Variants in FERMT2 observed in about 807,000 individuals in gnomAD.
The protein encoded by FERMT2 is fermitin family homolog 2.
FERMT2 carries 15 observed loss-of-function variants against 82.7 expected under a neutral mutation model. The observed-to-expected ratio is 0.18, with a 90% CI of 0.12 to 0.28. The LOEUF is 0.28. FERMT2 is among the 10% of genes least tolerant of loss of function. The pLI, the probability that FERMT2 is intolerant of heterozygous loss-of-function variation, is 1.00. For synonymous variants in FERMT2, 274 were observed against 271.5 expected (o/e 1.01, Z -0.09); for missense variants, 645 against 809.4 (o/e 0.80, Z 2.46).
chr14:52,870,121 T>C (rs1885524697), intron 10 of FERMT2, among the ~76,000 whole-genome samples: 1 of 152,308 alleles, frequency 6.6e-6, no homozygotes, highest in Admixed American at 6.5e-5. Context: ...AAGAAAATTA[T>C]TGAATAAAGT....
In FERMT2 at chr14:52,858,106, C is replaced by G; in HGVS notation, c.*271G>C. On this transcript the variant is annotated 3_prime_UTR_variant, in exon 15 of 15. Transcript: ENST00000341590. ...GTTTGGCTAGCTTAAATCAGTAAAT[C>G]AGTGATGGTTTGTTCCTGATTTGCC... 2.6e-6 allele frequency: 1 copy of G among 387,166 alleles called. No homozygotes were observed. The allele number at this position is 387,166 out of a possible 1,614,324, so 24.0% of individuals were successfully genotyped here. A position where few individuals can be genotyped will look rare whatever the true frequency, so the allele number is the denominator to read the frequency against.
chr14:52,906,646 TAGAA>T (rs1441338022), intron 3 of FERMT2, among the ~76,000 whole-genome samples: 2 of 151,330 alleles, frequency 1.3e-5, no homozygotes, highest in African/African-American at 4.9e-5. Flanking sequence ...ACACACATAA[TAGAA>T]AAATGAAAAA....
intron 9 of FERMT2, among the ~76,000 whole-genome samples, chr14:52,873,477 AG>A (rs1446905879): frequency 6.6e-6 from 1 of 152,196 alleles, no homozygotes; most frequent in Non-Finnish European, 1.5e-5. Flanking sequence ...GTGTAAGGAA[AG>A]GTGCAGGTAG....
At chr14:52,900,495 C>CA (rs75192018) in intron 3 of FERMT2, among the ~76,000 whole-genome samples, 13,537 of 151,988 alleles carry the variant, frequency 0.089, 738 homozygotes, top group East Asian at 0.2. Flanking sequence ...TCACTCCTTT[C>CA]AAAATCACGT....
chr14:52,928,243 T>C, intron 2 of FERMT2: 1 of 224,530 alleles, frequency 4.5e-6, no homozygotes. Context: ...CAACATGTCA[T>C]TGTGACTTAT....
At chr14:52,925,558 C>CA (rs761894753) in intron 2 of FERMT2, among the ~76,000 whole-genome samples, 5,084 of 55,138 alleles carry the variant, frequency 0.092, 347 homozygotes, top group African/African-American at 0.19. Context: ...GACTCTGTCT[C>CA]AAAAAAAAAA....
rs1017696484 is a variant in FERMT2, at chr14:52,919,574, A to G, written c.158-218T>C. Among the ~76,000 whole-genome samples the G allele has an allele frequency of 2.6e-5, 4 of 152,244 alleles. No homozygotes were observed. In the South Asian group the frequency reaches 8.3e-4, roughly 32 times the overall value. ...CAGCTGAGGCAGAATATATAGGGCA[A>G]CTAAGAATGTTTGAGTCAACTACAA... On this transcript the variant is annotated intron_variant, in intron 2 of 14. Coordinates refer to ENST00000341590, the MANE Select transcript of FERMT2 (RefSeq NM_006832.3).
At chr14:52,898,858 A>C (rs1252861809) in intron 3 of FERMT2, among the ~76,000 whole-genome samples, 3 of 152,242 alleles carry the variant, frequency 2.0e-5, no homozygotes, top group Non-Finnish European at 4.4e-5. Flanking sequence ...GAGATATGAT[A>C]TGCTTCTAAC....
At chr14:52,878,139 T>C (rs982875204) in intron 7 of FERMT2, among the ~76,000 whole-genome samples, 3 of 152,196 alleles carry the variant, frequency 2.0e-5, no homozygotes, top group African/African-American at 7.2e-5. Context: ...CTAAATCTTA[T>C]CACCTAAAAG....
intron 3 of FERMT2, among the ~76,000 whole-genome samples, chr14:52,907,308 A>G (rs1489886917): frequency 3.9e-5 from 6 of 152,124 alleles, no homozygotes; most frequent in African/African-American, 1.4e-4. Flanking sequence ...CTGTGCCTGG[A>G]CCAAATCAAA....
At chr14:52,907,907 T>C (rs1055988345) in intron 3 of FERMT2, among the ~76,000 whole-genome samples, 3 of 152,170 alleles carry the variant, frequency 2.0e-5, no homozygotes, top group Non-Finnish European at 4.4e-5. Context: ...ACACTGTTAA[T>C]GAAATGGTAA....
At chr14:52,877,950 A>G (rs970459058) in intron 7 of FERMT2, among the ~76,000 whole-genome samples, 2 of 152,172 alleles carry the variant, frequency 1.3e-5, no homozygotes, top group Admixed American at 1.3e-4. Context: ...GGATGTGTGG[A>G]TGCCACCTTA....
Position 52,919,376 on chromosome 14 carries a change from A to C in FERMT2, c.158-20T>G. On this transcript the variant is annotated intron_variant, in intron 2 of 14. Coordinates refer to ENST00000341590, the MANE Select transcript of FERMT2 (RefSeq NM_006832.3). ...TTACATCTATAAAAAACAAACAATAAACAAATCACTTAAAAATCACCAAGG... is the reference window on the plus strand; with the variant it reads ...TTACATCTATAAAAAACAAACAATACACAAATCACTTAAAAATCACCAAGG... 2 of 1,521,310 alleles carry C rather than the reference A, an allele frequency of 1.3e-6. No individual in the cohort carries two copies. Among genetic ancestry groups the C allele is most frequent in the Non-Finnish European group, 1.8e-6 (2 of 1,115,412 alleles). The allele number at this position is 1,521,310 out of a possible 1,614,324, so 94.2% of individuals were successfully genotyped here.
chr14:52,938,932 T>C (rs1371163023), intron 2 of FERMT2, among the ~76,000 whole-genome samples: 10 of 152,146 alleles, frequency 6.6e-5, no homozygotes, highest in Admixed American at 6.5e-4. Context: ...ATTTTGTATA[T>C]GTGGAAGCAT....
intron 2 of FERMT2, among the ~76,000 whole-genome samples, chr14:52,940,225 C>A (rs1958906): frequency 0.29 from 44,298 of 151,922 alleles, 6,713 homozygotes; most frequent in Admixed American, 0.35. Flanking sequence ...CCTTATGTAT[C>A]TAAATGACAG....
intron 3 of FERMT2, among the ~76,000 whole-genome samples, chr14:52,893,652 A>G (rs1424566448): frequency 2.0e-5 from 3 of 152,190 alleles, no homozygotes; most frequent in African/African-American, 4.8e-5. Context: ...TGGAAATAAC[A>G]ATCTACTAGG....
chr14:52,890,001 C>T (rs183243854), intron 4 of FERMT2, among the ~76,000 whole-genome samples: 34 of 151,260 alleles, frequency 2.2e-4, no homozygotes, highest in African/African-American at 8.3e-4. Flanking sequence ...TGGTGGTGTG[C>T]GCCTATAGTC....
chr14:52,903,704 T>C (rs781532406), intron 3 of FERMT2, among the ~76,000 whole-genome samples: 2 of 152,108 alleles, frequency 1.3e-5, no homozygotes, highest in African/African-American at 4.8e-5. Context: ...AAGAGAAATA[T>C]AGTATCTCAA....
At chr14:52,921,436 T>A (rs1429337416) in intron 2 of FERMT2, among the ~76,000 whole-genome samples, 3 of 152,212 alleles carry the variant, frequency 2.0e-5, no homozygotes, top group Non-Finnish European at 4.4e-5. Context: ...TATAACTACT[T>A]GCTTAACAGT....
Sources: gnomAD v4.1 joint callset for allele counts (sites outside exome capture counted in the v4.1 genomes callset) on GRCh38, gnomAD v4.1.1 for gene constraint, MANE v1.5 for transcripts, NCBI Gene and HGNC (gene_info 2026-07-23, HGNC 2026-07-21) for gene names.